Variants in CEP350 observed in about 807,000 individuals in gnomAD.
CEP350 encodes the protein centrosome-associated protein 350.
CEP350 carries 126 observed loss-of-function variants against 331.8 expected under a neutral mutation model. The observed-to-expected ratio is 0.38, with a 90% CI of 0.33 to 0.44. The LOEUF (loss-of-function observed/expected upper bound fraction) is 0.44. CEP350 is among the 20% of genes least tolerant of loss of function. The pLI, the probability that CEP350 is intolerant of heterozygous loss-of-function variation, is 1.00. For missense variants in CEP350, 3,406 were observed against 3,634.6 expected (o/e 0.94, Z 1.62); for synonymous variants, 1,200 against 1,259.5 (o/e 0.95, Z 1.00).
In CEP350 at chr1:180,020,068, T is replaced by C. The variant is rs762021873; in HGVS notation, c.2294T>C (p.Leu765Ser). The change falls in exon 12 of 38, where the codon TTA (leucine) becomes TCA (serine). Residue 765 changes from leucine to serine, a missense_variant. Leu to Ser is a moderately radical substitution (Grantham distance 145). Around this residue, in one of 5 missense-constraint regions of CEP350, gnomAD observed 1,857 missense variants for 1,909.2 expected, o/e 0.97. Transcript: ENST00000367607. ...AGSLLSHLLS[L>S]EHVGILHKDF... Reference sequence around the variant, plus strand: ...AGTTTACTCTCCCATCTCTTGAGTTTAGAGCATGTAGGAATTTTGCATAAG... The same window carrying C: ...AGTTTACTCTCCCATCTCTTGAGTTCAGAGCATGTAGGAATTTTGCATAAG... The C allele has an allele frequency of 1.2e-6, 2 of 1,613,922 alleles. No individual in the cohort carries two copies. The highest frequency in any genetic ancestry group is 1.3e-5 in the African/African-American group (1 of 74,940).
chr1:179,978,612 C>T (rs1471005087), intron 1 of CEP350, among the ~76,000 whole-genome samples: 1 of 152,038 alleles, frequency 6.6e-6, no homozygotes, highest in Non-Finnish European at 1.5e-5. Flanking sequence ...TGAGCTTCTG[C>T]ATAGGAGTGA....
At chr1:180,019,895 A>G (rs1243830897) in intron 11 of CEP350, 54 bp from the exon 12 acceptor site, 11 of 1,496,040 alleles carry the variant, frequency 7.4e-6, no homozygotes, top group Non-Finnish European at 9.8e-6. Flanking sequence ...TAAAAAAAAA[A>G]CTTTTTTAAA....
intron 5 of CEP350, among the ~76,000 whole-genome samples, chr1:179,996,210 C>G (rs1274435295): frequency 1.3e-5 from 2 of 152,114 alleles, no homozygotes; most frequent in African/African-American, 4.8e-5. Flanking sequence ...CAATCTTTAA[C>G]TTACTGGAAT....
intron 1 of CEP350, among the ~76,000 whole-genome samples, chr1:179,958,582 G>A (rs1273439603): frequency 6.6e-6 from 1 of 152,116 alleles, no homozygotes; most frequent in Non-Finnish European, 1.5e-5. Context: ...CCATGCGGTG[G>A]ACCTTCTGGA....
chr1:180,039,603 A>G (rs1402591422), intron 17 of CEP350, among the ~76,000 whole-genome samples: 13 of 114,178 alleles, frequency 1.1e-4, no homozygotes, highest in Admixed American at 8.6e-5. Context: ...TTCTAGACTC[A>G]TTTTCCATTA....
chr1:179,985,659 G>A lies in CEP350; in HGVS notation c.-13-510G>A, dbSNP rs552078863. Among the ~76,000 whole-genome samples, 3 of 152,286 alleles carry A rather than the reference G, an allele frequency of 2.0e-5. No homozygotes were observed. The South Asian group carries it at 6.2e-4, about 32-fold the overall frequency. On this transcript the variant is annotated intron_variant, in intron 1 of 37. Coordinates refer to ENST00000367607, the MANE Select transcript of CEP350 (RefSeq NM_014810.5). Reference sequence around the variant, plus strand: ...AAGGCACCTACCTCTTTGCAGGGTGGCAGGAGAGAGAATTAGTGCAAGCAG... The same window carrying A: ...AAGGCACCTACCTCTTTGCAGGGTGACAGGAGAGAGAATTAGTGCAAGCAG...
chr1:179,986,892 A>T (rs1652681989), intron 2 of CEP350, among the ~76,000 whole-genome samples: 1 of 152,198 alleles, frequency 6.6e-6, no homozygotes, highest in Non-Finnish European at 1.5e-5. Context: ...TTGTATTATA[A>T]GATACAGTAC....
intron 1 of CEP350, among the ~76,000 whole-genome samples, chr1:179,985,509 G>A (rs984487377): frequency 6.6e-6 from 1 of 152,156 alleles, no homozygotes; most frequent in African/African-American, 2.4e-5. Context: ...GTTGTATACT[G>A]TATTAGTCCA....
chr1:179,990,088 C>G (rs1431580907), intron 3 of CEP350, among the ~76,000 whole-genome samples: 2 of 151,902 alleles, frequency 1.3e-5, no homozygotes, highest in Non-Finnish European at 2.9e-5. Flanking sequence ...TCTAGGGAGG[C>G]TGAGGGAGAA....
chr1:180,008,297 G>A (rs1370707209), intron 8 of CEP350, among the ~76,000 whole-genome samples: 12 of 152,054 alleles, frequency 7.9e-5, no homozygotes. Context: ...TTGTTCCTTT[G>A]GTAAATGAGC....
chr1:179,965,976 G>A (rs1321840798), intron 1 of CEP350, among the ~76,000 whole-genome samples: 1 of 152,034 alleles, frequency 6.6e-6, no homozygotes. Flanking sequence ...AAATTACTAA[G>A]TTCAGGATGG....
chr1:180,020,683 A>G lies in CEP350; in HGVS notation c.2909A>G (p.Lys970Arg), dbSNP rs1655270001. The change falls in exon 12 of 38, where the codon AAA becomes AGA. Residue 970 changes from lysine (K) to arginine (R), a missense_variant. Physicochemically the swap from Lys to Arg is conservative, Grantham distance 26 (BLOSUM62 2). Transcript: ENST00000367607. ...GATATGCAAGCCTGTTCTCAAGACA[A>G]AGCCAAAATATCTCTTGGTTCCAGC... ...SSDMQACSQD[K>R]AKISLGSSID... is the part of the protein sequence containing the mutation. 1.2e-6 allele frequency: 2 copies of G among 1,613,900 alleles called. No homozygotes were observed. The highest frequency in any genetic ancestry group is 8.5e-7 in the Non-Finnish European group (1 of 1,179,902).
At chr1:179,965,685 A>G (rs1438978055) in intron 1 of CEP350, among the ~76,000 whole-genome samples, 1 of 142,170 alleles carries the variant, frequency 7.0e-6, no homozygotes, top group South Asian at 2.2e-4. Flanking sequence ...CAGTTGTGCA[A>G]TCTCGGCTTA....
chr1:179,960,579 G>A (rs1650532256), intron 1 of CEP350, among the ~76,000 whole-genome samples: 2 of 152,088 alleles, frequency 1.3e-5, no homozygotes, highest in Non-Finnish European at 2.9e-5. Flanking sequence ...AAGAGATTGT[G>A]TTCCATTTTT....
chr1:180,016,049 T>C, intron 11 of CEP350, 79 bp downstream of exon 11: 1 of 1,541,570 alleles, frequency 6.5e-7, no homozygotes, highest in Non-Finnish European at 8.8e-7. Context: ...GAGAATTTTG[T>C]TGACTTTTGT....
chr1:179,993,347 C>G (rs1653230082), intron 5 of CEP350, among the ~76,000 whole-genome samples: 1 of 152,114 alleles, frequency 6.6e-6, no homozygotes, highest in African/African-American at 2.4e-5. Flanking sequence ...AGAATTGAGA[C>G]TGAGTTGCTC....
intron 4 of CEP350, among the ~76,000 whole-genome samples, chr1:179,991,707 GTATATATATATA>G (rs756278179): frequency 4.1e-5 from 4 of 96,942 alleles, no homozygotes; most frequent in African/African-American, 1.5e-4. Context: ...GTGTGTGTGT[GTATATATATATA>G]TATATACATT....
chr1:180,047,757 C>CAA (rs5779043), intron 21 of CEP350, among the ~76,000 whole-genome samples: 2,739 of 73,790 alleles, frequency 0.037, 98 homozygotes, highest in African/African-American at 0.058. Context: ...TGAAACTCCT[C>CAA]AAAAAAAAAA....
At position 180,075,017 on chromosome 1, in the gene CEP350, C is replaced by T. The variant is rs1433323134; in HGVS notation, c.5568-5C>T. 8 of 1,606,328 alleles carry T rather than the reference C, an allele frequency of 5.0e-6. No individual in the cohort carries two copies. Among genetic ancestry groups the T allele is most frequent in the South Asian group, 1.1e-5 (1 of 89,664 alleles). ...CTCAAACTGTTCTTCATGGTGTGAC[C>T]ATAGGTTTCTGACAAAGCGGGAGCA... On this transcript the variant is annotated splice_region_variant and splice_polypyrimidine_tract_variant and intron_variant, in intron 27 of 37. Coordinates refer to ENST00000367607, the MANE Select transcript of CEP350 (RefSeq NM_014810.5).
Sources: gnomAD v4.1 joint callset for allele counts (sites outside exome capture counted in the v4.1 genomes callset) on GRCh38, gnomAD v4.1.1 for gene constraint, gnomAD v4.1.1 regional missense constraint, MANE v1.5 for transcripts, NCBI Gene and HGNC (gene_info 2026-07-23, HGNC 2026-07-21) for gene names.